Variants in TAOK1 observed in about 807,000 individuals in gnomAD.
TAOK1 encodes serine/threonine-protein kinase TAO1.
In TAOK1, 21 loss-of-function variants were observed where a neutral mutation model predicts 138.3. The ratio of observed to expected loss-of-function variants is 0.15; its 90% CI spans 0.11 to 0.22. TAOK1 has a LOEUF of 0.22. Among genes scored for constraint, TAOK1 ranks in the 10% least tolerant of loss-of-function variants. TAOK1 has a pLI of 1.00. For synonymous variants in TAOK1, 361 were observed against 398.4 expected (o/e 0.91, Z 1.12); for missense variants, 651 against 1,227.7 (o/e 0.53, Z 7.02).
chr17:29,524,157 T>A (rs2031966654), intron 17 of TAOK1, among the ~76,000 whole-genome samples: 1 of 152,238 alleles, frequency 6.6e-6, no homozygotes, highest in Non-Finnish European at 1.5e-5. Flanking sequence ...ACTAACATAA[T>A]CTTCCTTAGT....
chr17:29,444,114 G>GAA (rs569046653), intron 1 of TAOK1, among the ~76,000 whole-genome samples: 20 of 146,040 alleles, frequency 1.4e-4, no homozygotes, highest in East Asian at 3.9e-4. Flanking sequence ...GACTGTCTCA[G>GAA]AAAAAAAAAA....
intron 1 of TAOK1, among the ~76,000 whole-genome samples, chr17:29,436,315 T>A (rs1478056920): frequency 6.6e-6 from 1 of 152,202 alleles, no homozygotes; most frequent in Non-Finnish European, 1.5e-5. Context: ...ATGAGTTTCC[T>A]TGACTCTGAA....
chr17:29,433,713 A>G (rs1469192682), intron 1 of TAOK1, among the ~76,000 whole-genome samples: 3 of 152,048 alleles, frequency 2.0e-5, no homozygotes, highest in African/African-American at 7.2e-5. Flanking sequence ...TGGAGGGGCC[A>G]GACTCCTCCC....
At chr17:29,477,029 T>C (rs945316979) in intron 4 of TAOK1, among the ~76,000 whole-genome samples, 5 of 152,112 alleles carry the variant, frequency 3.3e-5, no homozygotes, top group South Asian at 4.1e-4. Flanking sequence ...ATATTTTTAG[T>C]ATAAATGGGG....
chr17:29,521,061 C>T (rs1191979843), intron 16 of TAOK1, among the ~76,000 whole-genome samples: 2 of 151,890 alleles, frequency 1.3e-5, no homozygotes, highest in African/African-American at 2.4e-5. Flanking sequence ...TGATCTGATC[C>T]GGATACGTGT....
chr17:29,499,229 CTT>C (rs57906502), intron 12 of TAOK1, among the ~76,000 whole-genome samples: 5,462 of 123,206 alleles, frequency 0.044, 246 homozygotes, highest in African/African-American at 0.16. Context: ...ATGTTTATAT[CTT>C]TTTTTTTTTT....
At chr17:29,427,241 A>G (rs1268401643) in intron 1 of TAOK1, among the ~76,000 whole-genome samples, 9 of 152,208 alleles carry the variant, frequency 5.9e-5, no homozygotes, top group African/African-American at 2.2e-4. Flanking sequence ...ATTATATAAT[A>G]TTGAGAACTT....
At position 29,547,831 on chromosome 17, in the gene TAOK1, ATCC is replaced by A. The variant is rs1407656576; in HGVS notation, c.*4812_*4814del. ...AGTTTTTAAGAACTGGAAATTTCCCATCCTCAGATCCCTTAAAGGATGAAGAGT... is the reference window on the plus strand; with the variant it reads ...AGTTTTTAAGAACTGGAAATTTCCCATCAGATCCCTTAAAGGATGAAGAGT... On this transcript the variant is annotated 3_prime_UTR_variant, in exon 20 of 20. Coordinates refer to ENST00000261716, the MANE Select transcript of TAOK1 (RefSeq NM_020791.4). The A allele has an allele frequency of 6.6e-6, 1 of 152,146 alleles. No homozygotes were observed. Among genetic ancestry groups the A allele is most frequent in the Non-Finnish European group, 1.5e-5 (1 of 68,006 alleles). 9.4% of individuals were successfully genotyped at this position (152,146 alleles called of 1,614,324 possible).
chr17:29,546,195 A>G lies in TAOK1; in HGVS notation c.*3173A>G, dbSNP rs907531362. On this transcript the variant is annotated 3_prime_UTR_variant, in exon 20 of 20. Transcript: ENST00000261716. Reference sequence around the variant, plus strand: ...ATTCGCCATTTCAATACCTAGAGATAGAGAGTCTTGTATTTGAAGCCACAC... The same window carrying G: ...ATTCGCCATTTCAATACCTAGAGATGGAGAGTCTTGTATTTGAAGCCACAC... 1.3e-5 allele frequency: 2 copies of G among 152,108 alleles called. No homozygotes were observed. Among genetic ancestry groups the G allele is most frequent in the Admixed American group, 1.3e-4 (2 of 15,264 alleles). 9.4% of individuals were successfully genotyped at this position (152,108 alleles called of 1,614,324 possible).
chr17:29,494,848 A>AG, intron 10 of TAOK1, among the ~76,000 whole-genome samples: 1 of 150,756 alleles, frequency 6.6e-6, no homozygotes, highest in Non-Finnish European at 1.5e-5. Context: ...AAAAAAAAAA[A>AG]GAATTCAAGG....
At chr17:29,429,942 C>T (rs759796479) in intron 1 of TAOK1, among the ~76,000 whole-genome samples, 5 of 151,960 alleles carry the variant, frequency 3.3e-5, no homozygotes, top group Non-Finnish European at 5.9e-5. Flanking sequence ...ATCTTGTTGA[C>T]AGTAAAATTT....
chr17:29,420,340 A>AT lies in TAOK1; in HGVS notation c.-95+29323dup, dbSNP rs1290161152. Among the ~76,000 whole-genome samples, 14 of 152,058 alleles carry AT rather than the reference A, an allele frequency of 9.2e-5. No individual in the cohort carries two copies. In the East Asian group the frequency reaches 9.7e-4, roughly 11 times the overall value. Reference sequence around the variant, plus strand: ...TGAGCCACAGTGCCGACCATAATTGATTTTTTTGATATTGACTTTGTATTC... The same window carrying AT: ...TGAGCCACAGTGCCGACCATAATTGATTTTTTTTGATATTGACTTTGTATTC... On this transcript the variant is annotated intron_variant, in intron 1 of 19. Transcript: ENST00000261716.
At chr17:29,419,573 G>A (rs964267073) in intron 1 of TAOK1, among the ~76,000 whole-genome samples, 1 of 149,178 alleles carries the variant, frequency 6.7e-6, no homozygotes, top group Non-Finnish European at 1.5e-5. Flanking sequence ...GCTCACTGCT[G>A]CATTCATCTC....
chr17:29,542,950 G>A lies in TAOK1; in HGVS notation c.2934G>A (p.Thr978=), dbSNP rs507577. 714,505 of 1,612,354 alleles carry A rather than the reference G, an allele frequency of 0.44. 165,977 individuals carry two copies. The highest frequency in any genetic ancestry group is 0.48 in the Middle Eastern group (2,938 of 6,060). The change falls in exon 20 of 20, where the codon ACG becomes ACA. Residue 978 remains threonine (T), a synonymous_variant. Transcript: ENST00000261716. ...ALRRTASGGR[T]EQGMSRSTSV... is the part of the protein sequence containing the mutation. ...GGCGGACAGCTTCTGGGGGACGGACGGAGCAGGGCATGAGCAGAAGCACGA... is the reference window on the plus strand; with the variant it reads ...GGCGGACAGCTTCTGGGGGACGGACAGAGCAGGGCATGAGCAGAAGCACGA...
chr17:29,519,034 T>C (rs2031870149), intron 16 of TAOK1, among the ~76,000 whole-genome samples: 1 of 152,156 alleles, frequency 6.6e-6, no homozygotes, highest in African/African-American at 2.4e-5. Flanking sequence ...CCCAAAGTGC[T>C]GGGATTACAG....
At position 29,549,773 on chromosome 17, in the gene TAOK1, A is replaced by G. The variant is rs2032460390; in HGVS notation, c.*6751A>G. The G allele has an allele frequency of 6.6e-6, 1 of 152,172 alleles. No individual in the cohort carries two copies. The highest frequency in any genetic ancestry group is 6.5e-5 in the Admixed American group (1 of 15,268). 9.4% of individuals were successfully genotyped at this position (152,172 alleles called of 1,614,324 possible). On this transcript the variant is annotated 3_prime_UTR_variant, in exon 20 of 20. Coordinates refer to ENST00000261716, the MANE Select transcript of TAOK1 (RefSeq NM_020791.4). ...ACCAAGATGTTGGCTGTCCTGGTGT[A>G]TTGCCAGACAGCTCTCTTTTGGTTC...
chr17:29,533,460 A>G (rs931298525), intron 18 of TAOK1, among the ~76,000 whole-genome samples: 5 of 151,886 alleles, frequency 3.3e-5, no homozygotes, highest in Admixed American at 6.6e-5. Flanking sequence ...AGAGGCTGCA[A>G]TCTCGGCACT....
At chr17:29,426,668 C>T (rs1211096732) in intron 1 of TAOK1, among the ~76,000 whole-genome samples, 1 of 152,108 alleles carries the variant, frequency 6.6e-6, no homozygotes, top group African/African-American at 2.4e-5. Flanking sequence ...AAAGGAGTCC[C>T]TTTTTCAAAT....
chr17:29,393,717 A>C (rs1904501510), intron 1 of TAOK1, among the ~76,000 whole-genome samples: 1 of 152,170 alleles, frequency 6.6e-6, no homozygotes, highest in African/African-American at 2.4e-5. Context: ...TTTGGTTATA[A>C]TTCTCATGTT....
Sources: allele counts gnomAD v4.1 joint callset (sites outside exome capture counted in the v4.1 genomes callset), GRCh38; gene constraint gnomAD v4.1.1; transcripts MANE v1.5; gene names NCBI Gene and HGNC (gene_info 2026-07-23, HGNC 2026-07-21).